The following OXR1 variants were observed in gnomAD, a reference collection of about 807,000 sequenced individuals.
OXR1 encodes the protein oxidation resistance 1.
Under a neutral mutation model 104.6 loss-of-function variants are expected in OXR1, and 41 were observed. That is an observed-to-expected ratio of 0.39 (90% CI 0.31 to 0.51). The LOEUF is 0.51. OXR1 is among the 20% of genes least tolerant of loss of function. OXR1 has a pLI of 0.77. For missense variants in OXR1, 955 were observed against 1,031.9 expected (o/e 0.93, Z 1.02); for synonymous variants, 348 against 348.4 (o/e 1.00, Z 0.01).
At chr8:106,705,693 T>C (rs1474098788) in intron 8 of OXR1, among the ~76,000 whole-genome samples, 1 of 152,162 alleles carries the variant, frequency 6.6e-6, no homozygotes, top group African/African-American at 2.4e-5. Context: ...TTTTGAACAT[T>C]AGTGTTTACA....
intron 2 of OXR1, among the ~76,000 whole-genome samples, chr8:106,495,878 A>G (rs1811380516): frequency 6.6e-6 from 1 of 152,214 alleles, no homozygotes; most frequent in South Asian, 2.1e-4. Flanking sequence ...CAGCAGATCA[A>G]GTAATTAACC....
intron 2 of OXR1, among the ~76,000 whole-genome samples, chr8:106,467,579 C>T (rs1246426320): frequency 6.6e-6 from 1 of 151,854 alleles, no homozygotes; most frequent in Non-Finnish European, 1.5e-5. Flanking sequence ...TAGAAATCCA[C>T]TCATTTTATT....
chr8:106,729,167 ACCC>A (rs1833627240), intron 11 of OXR1, among the ~76,000 whole-genome samples: 1 of 152,106 alleles, frequency 6.6e-6, no homozygotes, highest in South Asian at 2.1e-4. Context: ...AATTCTCACA[ACCC>A]TGTGGAATAT....
chr8:106,647,431 T>C (rs1219223926), intron 3 of OXR1, among the ~76,000 whole-genome samples: 1 of 152,162 alleles, frequency 6.6e-6, no homozygotes, highest in Non-Finnish European at 1.5e-5. Flanking sequence ...CAGGTGGCAG[T>C]CTCACATATG....
chr8:106,675,458 C>T (rs2131186831), intron 3 of OXR1, among the ~76,000 whole-genome samples: 1 of 152,312 alleles, frequency 6.6e-6, no homozygotes, highest in African/African-American at 2.4e-5. Context: ...TCCCTCTTAA[C>T]ACTATCTTAG....
In OXR1 at chr8:106,751,141, A is replaced by G; in HGVS notation, c.*200A>G. ...TCCCAGAGTTCTTTAGGTTAACACT[A>G]GGGACTGCGTCCATGTACTAGTATA... On this transcript the variant is annotated 3_prime_UTR_variant, in exon 17 of 17. Transcript: ENST00000517566. 4.6e-6 allele frequency: 2 copies of G among 437,890 alleles called. No individual in the cohort carries two copies. Among genetic ancestry groups the G allele is most frequent in the East Asian group, 3.8e-5 (1 of 26,384 alleles). The allele number at this position is 437,890 out of a possible 1,614,324, so 27.1% of individuals were successfully genotyped here. A position where few individuals can be genotyped will look rare whatever the true frequency, so the allele number is the denominator to read the frequency against.
At chr8:106,683,088 A>G (rs1828340198) in intron 4 of OXR1, 111 bp from the exon 5 acceptor site, 2 of 552,866 alleles carry the variant, frequency 3.6e-6, no homozygotes, top group African/African-American at 1.9e-5. Context: ...TGACAATACC[A>G]GTTGTTAATC....
intron 3 of OXR1, chr8:106,657,848 C>T: frequency 8.1e-7 from 1 of 1,239,244 alleles, no homozygotes; most frequent in Non-Finnish European, 1.0e-6. Flanking sequence ...CCCCCTCCTC[C>T]TCCCCGCCTC....
chr8:106,720,795 C>A, intron 11 of OXR1: 1 of 583,898 alleles, frequency 1.7e-6, no homozygotes, highest in Non-Finnish European at 2.2e-6. Context: ...CCATCAAATA[C>A]CCTTTAAAAT....
At chr8:106,333,489 T>C (rs1287814227) in intron 1 of OXR1, among the ~76,000 whole-genome samples, 1 of 152,092 alleles carries the variant, frequency 6.6e-6, no homozygotes, top group Non-Finnish European at 1.5e-5. Flanking sequence ...AGTTTTGAAC[T>C]CCAACTTACC....
chr8:106,483,660 A>T (rs2510825), intron 2 of OXR1, among the ~76,000 whole-genome samples: 16,410 of 152,118 alleles, frequency 0.11, 973 homozygotes, highest in African/African-American at 0.15. Context: ...TAAATTAATG[A>T]CTTGGCATTG....
At chr8:106,508,085 G>C (rs963452259) in intron 2 of OXR1, among the ~76,000 whole-genome samples, 2 of 152,110 alleles carry the variant, frequency 1.3e-5, no homozygotes, top group African/African-American at 4.8e-5. Flanking sequence ...GCTTGGGGTG[G>C]GGTCCTTGCC....
At chr8:106,313,348 T>C (rs1045589977) in intron 1 of OXR1, among the ~76,000 whole-genome samples, 8 of 152,144 alleles carry the variant, frequency 5.3e-5, no homozygotes, top group African/African-American at 1.4e-4. Flanking sequence ...GAGTTGTAAT[T>C]TCCATTTTAA....
At chr8:106,676,176 C>T (rs919455241) in intron 3 of OXR1, among the ~76,000 whole-genome samples, 4 of 152,016 alleles carry the variant, frequency 2.6e-5, no homozygotes, top group African/African-American at 7.2e-5. Flanking sequence ...GATTTTTCTG[C>T]GTACCTTTAT....
intron 3 of OXR1, among the ~76,000 whole-genome samples, chr8:106,629,897 A>T (rs1452253488): frequency 6.6e-6 from 1 of 152,166 alleles, no homozygotes; most frequent in Non-Finnish European, 1.5e-5. Flanking sequence ...ACTCTGGGAG[A>T]AAATAGTAAT....
chr8:106,427,114 C>A (rs144369358), intron 2 of OXR1, among the ~76,000 whole-genome samples: 2 of 152,120 alleles, frequency 1.3e-5, no homozygotes, highest in Admixed American at 1.3e-4. Flanking sequence ...TTCAAACAAC[C>A]AGGCTTGCAG....
chr8:106,407,537 A>T (rs1818289177), intron 2 of OXR1, among the ~76,000 whole-genome samples: 1 of 152,190 alleles, frequency 6.6e-6, no homozygotes, highest in South Asian at 2.1e-4. Flanking sequence ...CTACTAATTG[A>T]ATACCTTCAT....
At chr8:106,344,454 C>G in intron 1 of OXR1, among the ~76,000 whole-genome samples, 1 of 152,206 alleles carries the variant, frequency 6.6e-6, no homozygotes, top group Non-Finnish European at 1.5e-5. Context: ...TCTCCTGTCT[C>G]AGCCTCCTAA....
intron 3 of OXR1, among the ~76,000 whole-genome samples, chr8:106,664,135 A>G (rs1029951869): frequency 6.6e-6 from 1 of 152,160 alleles, no homozygotes; most frequent in Admixed American, 6.5e-5. Context: ...CATTTAGTTC[A>G]GTGGTTCTCA....
Sources: gnomAD v4.1 joint callset for allele counts (sites outside exome capture counted in the v4.1 genomes callset) on GRCh38, gnomAD v4.1.1 for gene constraint, MANE v1.5 for transcripts, NCBI Gene and HGNC (gene_info 2026-07-23, HGNC 2026-07-21) for gene names.